IGSF11: variants seen among roughly 807,000 people sequenced by gnomAD.
IGSF11 encodes immunoglobulin superfamily member 11.
Under a neutral mutation model 41.0 loss-of-function variants are expected in IGSF11, and 22 were observed. The observed-to-expected ratio is 0.54, with a 90% CI of 0.38 to 0.77. The LOEUF is 0.77. Among genes scored for constraint, IGSF11 ranks in the 30% least tolerant of loss-of-function variants. The pLI, the probability that IGSF11 is intolerant of heterozygous loss-of-function variation, is 0.00. For synonymous variants in IGSF11, 219 were observed against 201.3 expected (o/e 1.09, Z -0.74); for missense variants, 444 against 530.8 (o/e 0.84, Z 1.61).
intron 1 of IGSF11, among the ~76,000 whole-genome samples, chr3:119,110,896 T>A (rs200525917): frequency 4.0e-5 from 6 of 151,192 alleles, no homozygotes; most frequent in Non-Finnish European, 8.9e-5. Context: ...AATTCTTTTC[T>A]TTAAGAATGT....
intron 1 of IGSF11, among the ~76,000 whole-genome samples, chr3:119,083,088 A>C: frequency 6.6e-6 from 1 of 150,806 alleles, no homozygotes; most frequent in East Asian, 1.9e-4. Flanking sequence ...TTACCTTCAT[A>C]GACTAATTCC....
At chr3:119,123,188 G>C (rs11916676) in intron 1 of IGSF11, among the ~76,000 whole-genome samples, 67,069 of 151,968 alleles carry the variant, frequency 0.44, 14,972 homozygotes, top group East Asian at 0.51. Flanking sequence ...CACCTTACGT[G>C]AACACTGGTG....
intron 1 of IGSF11, among the ~76,000 whole-genome samples, chr3:119,026,504 G>C (rs776717224): frequency 2.0e-5 from 3 of 152,098 alleles, no homozygotes; most frequent in Non-Finnish European, 4.4e-5. Context: ...TGGTACAAAA[G>C]CAGTAGTGGG....
intron 4 of IGSF11, among the ~76,000 whole-genome samples, chr3:118,924,932 G>C (rs1282153552): frequency 6.6e-6 from 1 of 152,120 alleles, no homozygotes; most frequent in African/African-American, 2.4e-5. Context: ...AGTATGTCAA[G>C]ACAAGGGCTA....
intron 1 of IGSF11, among the ~76,000 whole-genome samples, chr3:119,104,174 A>T (rs993952738): frequency 6.6e-6 from 1 of 152,216 alleles, no homozygotes; most frequent in African/African-American, 2.4e-5. Context: ...AACCAGCATG[A>T]TCTAAAGTGC....
intron 1 of IGSF11, among the ~76,000 whole-genome samples, chr3:118,933,367 C>G (rs567030934): frequency 1.3e-5 from 2 of 152,000 alleles, no homozygotes; most frequent in Admixed American, 1.3e-4. Flanking sequence ...GTACCAGACG[C>G]TGAGGATGAC....
At chr3:118,974,490 C>G (rs974415797) in intron 1 of IGSF11, among the ~76,000 whole-genome samples, 1 of 152,200 alleles carries the variant, frequency 6.6e-6, no homozygotes, top group Non-Finnish European at 1.5e-5. Flanking sequence ...CGAGAAGCCT[C>G]TTCCAGGATT....
intron 1 of IGSF11, among the ~76,000 whole-genome samples, chr3:118,979,705 C>T (rs1207945904): frequency 6.6e-6 from 1 of 152,122 alleles, no homozygotes; most frequent in East Asian, 1.9e-4. Context: ...TTAACAGCTT[C>T]TGCATAACAA....
At chr3:119,001,519 G>C (rs1291327682) in intron 1 of IGSF11, among the ~76,000 whole-genome samples, 1 of 126,602 alleles carries the variant, frequency 7.9e-6, no homozygotes, top group Non-Finnish European at 1.7e-5. Context: ...TGTGCACATT[G>C]TGCAGGTTAG....
chr3:118,956,211 G>A (rs556829335), intron 1 of IGSF11, among the ~76,000 whole-genome samples: 8 of 152,250 alleles, frequency 5.3e-5, no homozygotes, highest in South Asian at 2.1e-4. Context: ...TGTTGTGGCC[G>A]GTTTTATCTT....
intron 1 of IGSF11, among the ~76,000 whole-genome samples, chr3:119,094,631 G>C (rs764170923): frequency 1.3e-5 from 2 of 151,590 alleles, no homozygotes; most frequent in Non-Finnish European, 2.9e-5. Context: ...ACCAAAGTAG[G>C]GTAGGTGAAC....
intron 1 of IGSF11, among the ~76,000 whole-genome samples, chr3:119,075,143 G>T (rs188263419): frequency 2.6e-5 from 4 of 152,064 alleles, no homozygotes; most frequent in Non-Finnish European, 5.9e-5. Context: ...AATGACAAAG[G>T]GGACATTACC....
intron 1 of IGSF11, among the ~76,000 whole-genome samples, chr3:119,139,372 G>A (rs1236048287): frequency 6.6e-6 from 1 of 152,164 alleles, no homozygotes; most frequent in African/African-American, 2.4e-5. Context: ...TGGTTTGGTT[G>A]TGTCCCCACT....
chr3:119,112,156 C>G (rs1385334803), intron 1 of IGSF11, among the ~76,000 whole-genome samples: 4 of 152,210 alleles, frequency 2.6e-5, no homozygotes, highest in African/African-American at 9.6e-5. Flanking sequence ...ACTGCAGAGG[C>G]TACTGCTGTC....
At chr3:119,087,765 C>G (rs892225493) in intron 1 of IGSF11, among the ~76,000 whole-genome samples, 3 of 151,720 alleles carry the variant, frequency 2.0e-5, no homozygotes, top group Non-Finnish European at 2.9e-5. Flanking sequence ...CCCCAAAAAC[C>G]TATTGAAATA....
At chr3:118,965,235 G>A (rs2107608170) in intron 1 of IGSF11, among the ~76,000 whole-genome samples, 1 of 152,134 alleles carries the variant, frequency 6.6e-6, no homozygotes, top group Admixed American at 6.5e-5. Flanking sequence ...TTTAGATAAA[G>A]CATGTCTTCT....
chr3:118,999,416 C>T (rs909557742), intron 1 of IGSF11, among the ~76,000 whole-genome samples: 4 of 152,144 alleles, frequency 2.6e-5, no homozygotes, highest in Non-Finnish European at 4.4e-5. Context: ...CTTAAAACTT[C>T]TCACTATGTA....
chr3:119,121,851 G>T (rs1351861740), intron 1 of IGSF11, among the ~76,000 whole-genome samples: 3 of 152,114 alleles, frequency 2.0e-5, no homozygotes, highest in Non-Finnish European at 4.4e-5. Context: ...TCCTCAACAA[G>T]ATTAATAGCT....
At chr3:118,973,447 C>A (rs1213180890) in intron 1 of IGSF11, among the ~76,000 whole-genome samples, 1 of 152,134 alleles carries the variant, frequency 6.6e-6, no homozygotes, top group African/African-American at 2.4e-5. Context: ...GGAAATTAAA[C>A]AAAGGAGTGA....
Sources: gnomAD v4.1 joint callset for allele counts (sites outside exome capture counted in the v4.1 genomes callset) on GRCh38, gnomAD v4.1.1 for gene constraint, MANE v1.5 for transcripts, NCBI Gene and HGNC (gene_info 2026-07-23, HGNC 2026-07-21) for gene names.